The following DYNC1H1 variants were observed in gnomAD, a reference collection of about 807,000 sequenced individuals.
The protein encoded by DYNC1H1 is cytoplasmic dynein 1 heavy chain 1.
Under a neutral mutation model 527.1 loss-of-function variants are expected in DYNC1H1, and 51 were observed. The observed-to-expected ratio is 0.10, with a 90% CI of 0.08 to 0.12. The LOEUF (loss-of-function observed/expected upper bound fraction) is 0.12, where lower values mean the gene tolerates loss of function less well. Ranked by LOEUF, DYNC1H1 falls within the 10% of genes least tolerant of loss-of-function variation. The pLI is 1.00. For synonymous variants in DYNC1H1, 2,189 were observed against 2,278.8 expected (o/e 0.96, Z 1.12); for missense variants, 2,771 against 5,971.8 (o/e 0.46, Z 17.66).
At position 101,971,098 on chromosome 14, in the gene DYNC1H1, T is replaced by C. The variant is rs1300650692; in HGVS notation, c.257-4614T>C. Among the ~76,000 whole-genome samples the C allele has an allele frequency of 5.1e-5, 7 of 137,618 alleles. No homozygotes were observed. In the East Asian group the frequency reaches 8.4e-4, roughly 17 times the overall value. 90.3% of individuals were successfully genotyped at this position (137,618 alleles called of 152,430 possible). On this transcript the variant is annotated intron_variant, in intron 1 of 77. Transcript: ENST00000360184. ...GGCCGTATCATTCTTTTTTTTTTTT[T>C]TTTTTTTTTTTTTTTTTGAGGCAGG...
chr14:101,975,491 C>T (rs2047790652), intron 1 of DYNC1H1, among the ~76,000 whole-genome samples: 1 of 152,164 alleles, frequency 6.6e-6, no homozygotes, highest in African/African-American at 2.4e-5. Context: ...CCCTGGCATG[C>T]TCACGCTACC....
Position 102,002,445 on chromosome 14 carries a change from T to G in DYNC1H1, c.4543-92T>G. On this transcript the variant is annotated intron_variant, in intron 21 of 77. Coordinates refer to ENST00000360184, the MANE Select transcript of DYNC1H1 (RefSeq NM_001376.5). This position sits in a 1 kb window ranked among gnomAD's most constrained non-coding sequence, Gnocchi z 4.4. ...TTAAAATGTGAATCAGATTACTTCA[T>G]GAGATCCTGATCTGCGCTTTTTCAG... The G allele has an allele frequency of 5.3e-6, 8 of 1,519,484 alleles. No individual in the cohort carries two copies. The highest frequency in any genetic ancestry group is 4.5e-5 in the South Asian group (4 of 88,396). 94.1% of individuals were successfully genotyped at this position (1,519,484 alleles called of 1,614,324 possible). A position where few individuals can be genotyped will look rare whatever the true frequency, so the allele number is the denominator to read the frequency against.
intron 77 of DYNC1H1, 23 bp from the exon 78 acceptor site, chr14:102,050,412 A>T: frequency 6.2e-7 from 1 of 1,614,192 alleles, no homozygotes; most frequent in Non-Finnish European, 8.5e-7. Flanking sequence ...TTAAGCCACC[A>T]GTAAACCCCT....
At chr14:102,034,623 G>C in intron 56 of DYNC1H1, 171 bp downstream of exon 56, 1 of 1,096,188 alleles carries the variant, frequency 9.1e-7, no homozygotes, top group Non-Finnish European at 1.3e-6. Context: ...TCTCGTTATT[G>C]TCAAGTGTCT....
intron 72 of DYNC1H1, 179 bp from the exon 73 acceptor site, chr14:102,047,638 T>TACATATATATATATATATATATATA (rs1425599162): frequency 2.4e-6 from 1 of 413,662 alleles, no homozygotes; most frequent in Admixed American, 3.8e-5. Flanking sequence ...TGTGTGTGTG[T>TACATATATATATATATATATATATA]GTGTATATAT....
intron 1 of DYNC1H1, among the ~76,000 whole-genome samples, chr14:101,972,720 T>C (rs1448403215): frequency 6.6e-6 from 1 of 152,154 alleles, no homozygotes; most frequent in Admixed American, 6.6e-5. Flanking sequence ...TTATGGGGGG[T>C]AGAAATGATT....
chr14:101,988,757 G>T lies in DYNC1H1; in HGVS notation c.2773G>T (p.Val925Phe). ...AGCTGGCCTGAGAGCTTGGACGCAG[G>T]TTCTTCTTGGACAAGCTGAAGATAA... ...LQAGLRAWTQ[V>F]LLGQAEDKAE... The change falls in exon 10 of 78, where the codon GTT (valine) becomes TTT (phenylalanine). Residue 925 changes from valine to phenylalanine, a missense_variant. By Grantham distance (50) the Val-to-Phe change is conservative. Around this residue, in one of 32 missense-constraint regions of DYNC1H1, gnomAD observed 179 missense variants for 349.4 expected, o/e 0.51. Transcript: ENST00000360184. 1.9e-6 allele frequency: 3 copies of T among 1,614,220 alleles called. No homozygotes were observed. Among genetic ancestry groups the T allele is most frequent in the Non-Finnish European group, 2.5e-6 (3 of 1,180,050 alleles).
Position 102,018,667 on chromosome 14 carries a change from A to G in DYNC1H1, c.8343+51A>G. On this transcript the variant is annotated intron_variant, in intron 41 of 77. Transcript: ENST00000360184. This position sits in a 1 kb window ranked among gnomAD's most constrained non-coding sequence, Gnocchi z 5.2. ...AGAAATTGTTTTCCTCTCATAATTA[A>G]GGCACTCGATTGGTCAGGTGTGGTG... is the stretch of plus-strand genomic sequence containing the variant. 6.2e-7 allele frequency: 1 copy of G among 1,601,504 alleles called. No homozygotes were observed. Among genetic ancestry groups the G allele is most frequent in the Non-Finnish European group, 8.5e-7 (1 of 1,175,994 alleles).
chr14:102,001,571 G>T lies in DYNC1H1; in HGVS notation c.4432G>T (p.Val1478Phe). The T allele has an allele frequency of 6.2e-7, 1 of 1,614,132 alleles. No homozygotes were observed. Among genetic ancestry groups the T allele is most frequent in the Non-Finnish European group, 8.5e-7 (1 of 1,180,014 alleles). ...GTGGAATACTTATGAACTAGACTTG[G>T]TTAATTATCAGAACAAGTGCCGCTT... ...EVWNTYELDLVNYQNKCRLIR... is the reference protein window; with the variant it reads ...EVWNTYELDLFNYQNKCRLIR... Residue 1478 changes from valine to phenylalanine, a missense_variant, in exon 21 of 78, where the codon GTT becomes TTT. Val to Phe is a conservative substitution (Grantham distance 50, BLOSUM62 -1). This residue lies in a region of DYNC1H1 where 223 missense variants were observed against 462.5 expected (regional missense o/e 0.48). Transcript: ENST00000360184. This position sits in a 1 kb window ranked among gnomAD's most constrained non-coding sequence, Gnocchi z 5.0.
At chr14:101,976,665 C>T (rs1191776318) in intron 2 of DYNC1H1, among the ~76,000 whole-genome samples, 1 of 152,060 alleles carries the variant, frequency 6.6e-6, no homozygotes, top group Non-Finnish European at 1.5e-5. Context: ...TTCTAAAATA[C>T]TGTCCTTTTA....
In DYNC1H1 at chr14:102,005,556, C is replaced by T. The variant is rs1479525263; in HGVS notation, c.5433+320C>T. ...TGCACGGCACGGGCAGTGCTTGCTG[C>T]GAGCCCCATGGCGGCACGTGGCAGA... On this transcript the variant is annotated intron_variant, in intron 26 of 77. Transcript: ENST00000360184. The surrounding 1 kb of genome is among the most constrained non-coding windows in gnomAD (Gnocchi z 4.0). Among the ~76,000 whole-genome samples, 1 of 152,226 alleles carries T rather than the reference C, an allele frequency of 6.6e-6. No homozygotes were observed. The highest frequency in any genetic ancestry group is 1.5e-5 in the Non-Finnish European group (1 of 68,040).
rs754395575 is a variant in DYNC1H1 at position 102,047,992 on chromosome 14, G to T, written c.13182G>T (p.Thr4394=). The change falls in exon 73 of 78, where the codon ACG becomes ACT. Residue 4394 remains threonine, a synonymous_variant. Transcript: ENST00000360184. ...ASNWLHLIPQ[T]LSHLKRTVEN... The stretch of plus-strand genomic sequence containing the variant: ...ACTGGCTGCACCTCATCCCCCAGAC[G>T]CTGAGCCACCTCAAGCGCACCGTGG... 3 of 1,612,206 alleles carry T rather than the reference G, an allele frequency of 1.9e-6. No individual in the cohort carries two copies. The highest frequency in any genetic ancestry group is 1.1e-5 in the South Asian group (1 of 91,074).
Position 102,027,484 on chromosome 14 carries a change from A to G in DYNC1H1, c.8988A>G (p.Glu2996=), listed in dbSNP as rs149327058. The stretch of plus-strand genomic sequence containing the variant: ...AAAAGATAGCATTTATAATGGATGA[A>G]TCTAATGTGTTAGATTCTGGATTCC... ...KNEKIAFIMD[E]SNVLDSGFLE... is the part of the protein sequence containing the mutation. The change falls in exon 46 of 78, where the codon GAA becomes GAG. Residue 2996 remains glutamate, a synonymous_variant. Transcript: ENST00000360184. The surrounding 1 kb of genome is among the most constrained non-coding windows in gnomAD (Gnocchi z 7.7). The G allele has an allele frequency of 2.2e-5, 36 of 1,614,126 alleles. No homozygotes were observed. In the African/African-American group the frequency reaches 4.1e-4, roughly 19 times the overall value.
chr14:101,991,025 A>G (rs1014203699), intron 10 of DYNC1H1, among the ~76,000 whole-genome samples: 2 of 150,984 alleles, frequency 1.3e-5, no homozygotes, highest in East Asian at 3.9e-4. Context: ...AAAAAAAAAA[A>G]TACAAAAATT....
rs2048538001 is a variant in DYNC1H1, at chr14:102,033,781, G to A, written c.10414-195G>A. 1.3e-5 allele frequency: 9 copies of A among 709,762 alleles called. No homozygotes were observed. The highest frequency in any genetic ancestry group is 2.7e-5 in the East Asian group (1 of 36,794). 44.0% of individuals were successfully genotyped at this position (709,762 alleles called of 1,614,324 possible). ...TCGCTCCGTACCCAGCTTCTGCCCCGCTGAGATTCTGAGTCGTGTGTGGTC... is the reference window on the plus strand; with the variant it reads ...TCGCTCCGTACCCAGCTTCTGCCCCACTGAGATTCTGAGTCGTGTGTGGTC... On this transcript the variant is annotated intron_variant, in intron 54 of 77. Transcript: ENST00000360184. This position sits in a 1 kb window ranked among gnomAD's most constrained non-coding sequence, Gnocchi z 5.6.
intron 15 of DYNC1H1, among the ~76,000 whole-genome samples, chr14:101,996,557 T>A (rs185309962): frequency 1.3e-4 from 20 of 152,338 alleles, no homozygotes; most frequent in African/African-American, 3.6e-4. Flanking sequence ...TCTCAGAGGA[T>A]GTTGCCCTCT....
chr14:101,984,401 A>ATGTGTGTGTGTG (rs34162363), intron 7 of DYNC1H1, among the ~76,000 whole-genome samples: 44 of 102,440 alleles, frequency 4.3e-4, no homozygotes, highest in African/African-American at 2.0e-3. Context: ...ATGCGTATAT[A>ATGTGTGTGTGTG]TGTGTGTGTG....
rs2048577664 is a variant in DYNC1H1, at chr14:102,036,565, C to T, written c.10831C>T (p.Arg3611Trp). 2 of 1,614,144 alleles carry T rather than the reference C, an allele frequency of 1.2e-6. No homozygotes were observed. The highest frequency in any genetic ancestry group is 1.7e-6 in the Non-Finnish European group (2 of 1,180,008). ...MNEYKDRKIT[R>W]TSFLDDAFRK... ...TGAATATAAGGATCGTAAGATCACA[C>T]GGACCAGCTTCCTGGATGACGCCTT... Residue 3611 changes from arginine (R) to tryptophan (W), a missense_variant, in exon 57 of 78, where the codon CGG (arginine) becomes TGG (tryptophan). Physicochemically the swap from Arg to Trp is moderately radical, Grantham distance 101. Around this residue, in one of 32 missense-constraint regions of DYNC1H1, gnomAD observed 283 missense variants for 737.6 expected, o/e 0.38. Transcript: ENST00000360184. The surrounding 1 kb of genome is among the most constrained non-coding windows in gnomAD (Gnocchi z 5.6).
At chr14:102,022,461 G>A (rs1282186575) in intron 42 of DYNC1H1, among the ~76,000 whole-genome samples, 2 of 150,532 alleles carry the variant, frequency 1.3e-5, no homozygotes, top group Non-Finnish European at 3.0e-5. Flanking sequence ...AGCCAAGATA[G>A]TGCCAGTGCA....
Sources: gnomAD v4.1 joint callset for allele counts (sites outside exome capture counted in the v4.1 genomes callset) on GRCh38, gnomAD v4.1.1 for gene constraint, gnomAD v4.1.1 regional missense constraint, Gnocchi (gnomAD v3.1) non-coding constraint, MANE v1.5 for transcripts, NCBI Gene and HGNC (gene_info 2026-07-23, HGNC 2026-07-21) for gene names.